FBXO42: variants seen among roughly 807,000 people sequenced by gnomAD.
FBXO42 encodes the protein F-box protein 42.
A neutral mutation model predicts 71.7 loss-of-function variants in FBXO42; 12 were observed. The observed-to-expected ratio is 0.17, with a 90% CI of 0.11 to 0.27. The LOEUF (loss-of-function observed/expected upper bound fraction) is 0.27, where lower values mean the gene tolerates loss of function less well. FBXO42 is among the 10% of genes least tolerant of loss of function. FBXO42 has a pLI of 1.00. For missense variants in FBXO42, 707 were observed against 911.9 expected (o/e 0.78, Z 2.89); for synonymous variants, 325 against 327.5 (o/e 0.99, Z 0.08).
At chr1:16,325,541 T>A (rs1435685327) in intron 1 of FBXO42, among the ~76,000 whole-genome samples, 1 of 152,192 alleles carries the variant, frequency 6.6e-6, no homozygotes, top group Non-Finnish European at 1.5e-5. Flanking sequence ...CTGCAGTTTT[T>A]AAAAATGGTG....
intron 1 of FBXO42, among the ~76,000 whole-genome samples, chr1:16,343,283 C>T (rs1364708471): frequency 1.3e-5 from 2 of 152,166 alleles, no homozygotes; most frequent in Non-Finnish European, 2.9e-5. Flanking sequence ...GTGGCTCACG[C>T]CTGCAATGCC....
At position 16,256,746 on chromosome 1, in the gene FBXO42, G is replaced by A. The variant is rs769711077; in HGVS notation, c.516C>T (p.Ser172=). 3 of 1,614,166 alleles carry A rather than the reference G, an allele frequency of 1.9e-6. No individual in the cohort carries two copies. The East Asian group carries it at 6.7e-5, about 36-fold the overall frequency. Residue 172 remains serine (S), a synonymous_variant, in exon 5 of 10, where the codon TCC becomes TCT. Coordinates refer to ENST00000375592, the MANE Select transcript of FBXO42 (RefSeq NM_018994.3). The part of the protein sequence containing the change: ...IRPLASGSYP[S]PKAGATLVVY... ...CGACCAGAGTTGCTCCAGCTTTGGG[G>A]GAAGGATAGGACCCTAGGGAAAGTC...
At chr1:16,275,904 G>C (rs554994267) in intron 4 of FBXO42, among the ~76,000 whole-genome samples, 27 of 152,274 alleles carry the variant, frequency 1.8e-4, no homozygotes, top group African/African-American at 6.3e-4. Context: ...TACTCGGGAG[G>C]CTGAGGGAGG....
rs563832827 is a variant in FBXO42, at chr1:16,260,335, A to G, written c.503-3576T>C. ...ATTATTCTCCTGTCTCAGCCTCCCAAGTAGCTGGGATTACAGGCGTATACT... is the reference window on the plus strand; with the variant it reads ...ATTATTCTCCTGTCTCAGCCTCCCAGGTAGCTGGGATTACAGGCGTATACT... On this transcript the variant is annotated intron_variant, in intron 4 of 9. Coordinates refer to ENST00000375592, the MANE Select transcript of FBXO42 (RefSeq NM_018994.3). Among the ~76,000 whole-genome samples the G allele has an allele frequency of 8.6e-5, 13 of 151,632 alleles. No homozygotes were observed. In the South Asian group the frequency reaches 2.3e-3, roughly 27 times the overall value.
chr1:16,252,538 C>T lies in FBXO42; in HGVS notation c.922-134G>A. ...GGACTCTTCAGAAGGATAGCAAAAT[C>T]CTCAGTTAATTATTCAGTTGTGCAT... On this transcript the variant is annotated intron_variant, in intron 8 of 9. Transcript: ENST00000375592. The surrounding 1 kb of genome is among the most constrained non-coding windows in gnomAD (Gnocchi z 4.4). The T allele has an allele frequency of 3.1e-6, 2 of 653,106 alleles. No homozygotes were observed. The highest frequency in any genetic ancestry group is 3.8e-5 in the South Asian group (2 of 53,284). The allele number at this position is 653,106 out of a possible 1,614,324, so 40.5% of individuals were successfully genotyped here.
chr1:16,322,431 C>T (rs554189270), intron 1 of FBXO42, among the ~76,000 whole-genome samples: 1 of 152,260 alleles, frequency 6.6e-6, no homozygotes, highest in East Asian at 1.9e-4. Context: ...CAAAAATTAG[C>T]TGGGCGTGCA....
At chr1:16,253,062 A>G (rs1190064101) in intron 8 of FBXO42, 34 bp downstream of exon 8, 6 of 1,598,248 alleles carry the variant, frequency 3.8e-6, no homozygotes, top group Non-Finnish European at 5.1e-6. Flanking sequence ...ACTTAGTAGC[A>G]TGCACATGGG....
intron 4 of FBXO42, among the ~76,000 whole-genome samples, chr1:16,264,772 C>T (rs1202639603): frequency 6.6e-6 from 1 of 152,224 alleles, no homozygotes; most frequent in East Asian, 1.9e-4. Flanking sequence ...ATCAGATAGA[C>T]ACCCTATACA....
chr1:16,281,335 T>A (rs1220278625), intron 4 of FBXO42, among the ~76,000 whole-genome samples: 1 of 152,200 alleles, frequency 6.6e-6, no homozygotes, highest in African/African-American at 2.4e-5. Context: ...TTAGATAATA[T>A]GCATAAAGAA....
rs200092981 is a variant in FBXO42, at chr1:16,253,641, T to C, written c.858A>G (p.Gln286=). The change falls in exon 7 of 10, where the codon CAA becomes CAG. Residue 286 remains glutamine, a synonymous_variant. Coordinates refer to ENST00000375592, the MANE Select transcript of FBXO42 (RefSeq NM_018994.3). The part of the protein sequence containing the change: ...SGPSPHPRGG[Q]SQIVIDDATI... ...TATTTTAATTCCTGAGCACCTGAGA[T>C]TGGCCACCTCGAGGATGAGGACTGG... 5 of 1,614,194 alleles carry C rather than the reference T, an allele frequency of 3.1e-6. No individual in the cohort carries two copies. The highest frequency in any genetic ancestry group is 4.5e-5 in the East Asian group (2 of 44,892).
chr1:16,313,979 A>G (rs2082339817), intron 2 of FBXO42, among the ~76,000 whole-genome samples: 1 of 152,194 alleles, frequency 6.6e-6, no homozygotes, highest in Admixed American at 6.6e-5. Flanking sequence ...AAAGGACCAG[A>G]GTCTTGCTCT....
intron 4 of FBXO42, among the ~76,000 whole-genome samples, chr1:16,274,588 G>A (rs796675487): frequency 1.9e-5 from 1 of 53,504 alleles, no homozygotes; most frequent in Admixed American, 3.0e-4. Context: ...TTATGCCCCC[G>A]TTTTTTTTTT....
intron 1 of FBXO42, among the ~76,000 whole-genome samples, chr1:16,320,494 T>C (rs753634945): frequency 2.0e-5 from 3 of 152,034 alleles, no homozygotes; most frequent in Middle Eastern, 3.4e-3. Context: ...TTAACTTTCA[T>C]ATATATTTTT....
chr1:16,321,020 A>G (rs1409505189), intron 1 of FBXO42, among the ~76,000 whole-genome samples: 2 of 152,162 alleles, frequency 1.3e-5, no homozygotes, highest in African/African-American at 4.8e-5. Context: ...GTTTATTTAC[A>G]TTACTATTTT....
Position 16,251,177 on chromosome 1 carries a change from C to G in FBXO42, c.1647G>C (p.Gly549=). Residue 549 remains glycine (G), a synonymous_variant, in exon 10 of 10, where the codon GGG becomes GGC. Transcript: ENST00000375592. This position sits in a 1 kb window ranked among gnomAD's most constrained non-coding sequence, Gnocchi z 4.5. ...TPPHVASALA[G]AVSPGALRRS... Reference sequence around the variant, plus strand: ...GACGCAGGGCACCTGGGGAGACGGCCCCTGCAAGGGCACTGGCCACGTGAG... The same window carrying G: ...GACGCAGGGCACCTGGGGAGACGGCGCCTGCAAGGGCACTGGCCACGTGAG... 2 of 1,614,144 alleles carry G rather than the reference C, an allele frequency of 1.2e-6. No individual in the cohort carries two copies. The highest frequency in any genetic ancestry group is 1.7e-6 in the Non-Finnish European group (2 of 1,180,032).
chr1:16,324,682 T>G (rs909386258), intron 1 of FBXO42, among the ~76,000 whole-genome samples: 3 of 152,162 alleles, frequency 2.0e-5, no homozygotes, highest in Non-Finnish European at 2.9e-5. Flanking sequence ...TTGGCCATGG[T>G]GGCGCACACC....
chr1:16,270,727 C>T (rs1242287843), intron 4 of FBXO42, among the ~76,000 whole-genome samples: 2 of 94,320 alleles, frequency 2.1e-5, no homozygotes, highest in African/African-American at 7.9e-5. Flanking sequence ...AAGATAAATT[C>T]CAAATCCCTT....
intron 2 of FBXO42, among the ~76,000 whole-genome samples, chr1:16,312,206 A>T (rs74538378): frequency 0.026 from 3,997 of 151,928 alleles, 174 homozygotes; most frequent in African/African-American, 0.089. Flanking sequence ...ACATTTTTTT[A>T]AAAAAATTAC....
At chr1:16,273,590 A>T (rs981201594) in intron 4 of FBXO42, among the ~76,000 whole-genome samples, 2 of 151,988 alleles carry the variant, frequency 1.3e-5, no homozygotes, top group African/African-American at 2.4e-5. Flanking sequence ...TAAAAAAAAA[A>T]AAAATGAGGG....
Sources: allele counts gnomAD v4.1 joint callset (sites outside exome capture counted in the v4.1 genomes callset), GRCh38; gene constraint gnomAD v4.1.1; non-coding constraint Gnocchi (gnomAD v3.1); transcripts MANE v1.5; gene names NCBI Gene and HGNC (gene_info 2026-07-23, HGNC 2026-07-21).